The following NRXN1 variants were observed in gnomAD, a reference collection of about 807,000 sequenced individuals.
NRXN1 encodes neurexin 1.
In NRXN1, 39 loss-of-function variants were observed where a neutral mutation model predicts 150.9. The observed-to-expected ratio is 0.26, with a 90% CI of 0.20 to 0.34. The LOEUF (loss-of-function observed/expected upper bound fraction) is 0.34, where lower values mean the gene tolerates loss of function less well. NRXN1 is among the 10% of genes least tolerant of loss of function. The pLI, the probability that NRXN1 is intolerant of heterozygous loss-of-function variation, is 1.00. For missense variants in NRXN1, 1,815 were observed against 1,949.9 expected, an observed-to-expected ratio of 0.93 and a Z score of 1.30; for synonymous variants, 924 against 757.0, an observed-to-expected ratio of 1.22 and a Z score of -3.62.
chr2:50,977,110 G>C (rs1158595621), intron 2 of NRXN1, among the ~76,000 whole-genome samples: 2 of 151,892 alleles, frequency 1.3e-5, no homozygotes, highest in Non-Finnish European at 2.9e-5. Flanking sequence ...AATTTGTGAA[G>C]TTCAATACCT....
intron 17 of NRXN1, among the ~76,000 whole-genome samples, chr2:50,425,628 T>A (rs1287739571): frequency 6.6e-6 from 1 of 152,212 alleles, no homozygotes; most frequent in African/African-American, 2.4e-5. Context: ...TGTTGAACCC[T>A]AAATGCTTTC....
intron 2 of NRXN1, among the ~76,000 whole-genome samples, chr2:51,017,646 T>A (rs1255862120): frequency 6.6e-6 from 1 of 151,306 alleles, no homozygotes; most frequent in East Asian, 2.0e-4. Flanking sequence ...CCTAGAAAGT[T>A]GGCAGAACTT....
chr2:50,980,636 G>A (rs1696640135), intron 2 of NRXN1, among the ~76,000 whole-genome samples: 1 of 152,032 alleles, frequency 6.6e-6, no homozygotes, highest in African/African-American at 2.4e-5. Flanking sequence ...GAAAAGGGGA[G>A]TAAATAAATG....
chr2:50,902,730 G>C lies in NRXN1; in HGVS notation c.832+19139C>G, dbSNP rs375000995. On this transcript the variant is annotated intron_variant, in intron 5 of 22. Transcript: ENST00000401669. ...GGTTCTGACTTGCTATTTCCTTACT[G>C]TGTAATGTGAAAAAGTTTTTATCTT... 5.8e-4 allele frequency among the ~76,000 whole-genome samples: 89 copies of C among 152,230 alleles called. 1 individual carries two copies. The highest frequency in any genetic ancestry group is 2.0e-3 in the African/African-American group (83 of 41,534).
intron 12 of NRXN1, among the ~76,000 whole-genome samples, chr2:50,527,642 T>C (rs2105179824): frequency 6.6e-6 from 1 of 152,260 alleles, no homozygotes; most frequent in East Asian, 1.9e-4. Context: ...CGTATTTTAT[T>C]AGGAAAATAG....
At position 50,996,997 on chromosome 2, in the gene NRXN1, T is replaced by C. The variant is rs1001909500; in HGVS notation, c.772+30505A>G. On this transcript the variant is annotated intron_variant, in intron 2 of 22. Transcript: ENST00000401669. ...TCACGTAAGGAGAAATATGAGTCAA[T>C]GACAATTTTTACTTTTTTTTCAATG... Among the ~76,000 whole-genome samples the C allele has an allele frequency of 3.7e-4, 56 of 152,070 alleles. 1 individual carries two copies. The highest frequency in any genetic ancestry group is 3.3e-3 in the Admixed American group (51 of 15,252).
At chr2:50,775,970 C>A (rs1324374737) in intron 5 of NRXN1, among the ~76,000 whole-genome samples, 2 of 152,044 alleles carry the variant, frequency 1.3e-5, no homozygotes, top group African/African-American at 4.8e-5. Flanking sequence ...GCGTCACAGT[C>A]TCCGACCTCT....
intron 5 of NRXN1, among the ~76,000 whole-genome samples, chr2:50,711,329 C>CT (rs765521627): frequency 0.033 from 2,989 of 89,706 alleles, 146 homozygotes; most frequent in African/African-American, 0.078. Flanking sequence ...AGGTACTGGA[C>CT]TTTTTTTTTT....
intron 5 of NRXN1, among the ~76,000 whole-genome samples, chr2:50,651,687 C>T (rs920605787): frequency 6.6e-6 from 1 of 151,896 alleles, no homozygotes; most frequent in African/African-American, 2.4e-5. Flanking sequence ...TGTTAACTTG[C>T]CGACACACAT....
intron 17 of NRXN1, among the ~76,000 whole-genome samples, chr2:50,310,860 A>C (rs1292920765): frequency 6.6e-6 from 1 of 152,180 alleles, no homozygotes; most frequent in Non-Finnish European, 1.5e-5. Flanking sequence ...ACCTTATAAG[A>C]CTGCATTTAT....
chr2:50,191,800 C>A (rs1398432828), intron 18 of NRXN1, among the ~76,000 whole-genome samples: 1 of 152,048 alleles, frequency 6.6e-6, no homozygotes, highest in Admixed American at 6.6e-5. Flanking sequence ...CATGGCATAC[C>A]ATGTAATATG....
At chr2:50,547,932 T>A (rs1176147094) in intron 9 of NRXN1, among the ~76,000 whole-genome samples, 6 of 152,256 alleles carry the variant, frequency 3.9e-5, no homozygotes, top group African/African-American at 1.2e-4. Context: ...ATTTTCCCCA[T>A]GTCTCAGATT....
chr2:50,512,741 T>C (rs1354517822), intron 12 of NRXN1, among the ~76,000 whole-genome samples: 7 of 152,202 alleles, frequency 4.6e-5, no homozygotes, highest in Admixed American at 4.6e-4. Flanking sequence ...TTGCATATCA[T>C]TCCTTTCCCT....
chr2:49,953,818 G>C (rs1195725724), intron 21 of NRXN1, among the ~76,000 whole-genome samples: 1 of 151,836 alleles, frequency 6.6e-6, no homozygotes, highest in Non-Finnish European at 1.5e-5. Flanking sequence ...AAAACACATG[G>C]ACACCGGGAG....
chr2:50,055,061 G>A lies in NRXN1; in HGVS notation c.3719-17C>T. 6.5e-7 allele frequency: 1 copy of A among 1,545,780 alleles called. No homozygotes were observed. Among genetic ancestry groups the A allele is most frequent in the Non-Finnish European group, 8.8e-7 (1 of 1,135,548 alleles). ...CATTGTTTCCTTTAAAGTTTAAAGAGACATTTCATTGGTTAAAATCTGTAA... is the reference window on the plus strand; with the variant it reads ...CATTGTTTCCTTTAAAGTTTAAAGAAACATTTCATTGGTTAAAATCTGTAA... On this transcript the variant is annotated splice_polypyrimidine_tract_variant and intron_variant, in intron 19 of 22. Transcript: ENST00000401669.
At chr2:50,244,854 AT>A (rs2066356167) in intron 17 of NRXN1, among the ~76,000 whole-genome samples, 1 of 151,832 alleles carries the variant, frequency 6.6e-6, no homozygotes, top group Non-Finnish European at 1.5e-5. Context: ...TCTATTTTGG[AT>A]TTTTAAACTG....
intron 8 of NRXN1, among the ~76,000 whole-genome samples, chr2:50,568,495 A>G (rs781759911): frequency 1.1e-4 from 17 of 152,314 alleles, no homozygotes; most frequent in Non-Finnish European, 2.4e-4. Flanking sequence ...CTGAAAAGAC[A>G]TTTCTCAAAA....
chr2:50,047,079 T>C lies in NRXN1; in HGVS notation c.4128+6192A>G, dbSNP rs187309471. ...GACTGTATTTGCATTTTCAAAAGGA[T>C]AGTCTGACAGTTGGGTGGAGATCAC... On this transcript the variant is annotated intron_variant, in intron 21 of 22. Coordinates refer to ENST00000401669, the MANE Select transcript of NRXN1 (RefSeq NM_001330078.2). Among the ~76,000 whole-genome samples, 19 of 152,204 alleles carry C rather than the reference T, an allele frequency of 1.2e-4. No individual in the cohort carries two copies. The East Asian group carries it at 3.7e-3, about 29-fold the overall frequency.
At chr2:50,543,985 G>C (rs866170017) in intron 9 of NRXN1, among the ~76,000 whole-genome samples, 1 of 152,054 alleles carries the variant, frequency 6.6e-6, no homozygotes, top group African/African-American at 2.4e-5. Context: ...AGATCTGTTA[G>C]GCTTCAATGT....
Sources: gnomAD v4.1 joint callset for allele counts (sites outside exome capture counted in the v4.1 genomes callset) on GRCh38, gnomAD v4.1.1 for gene constraint, MANE v1.5 for transcripts, NCBI Gene and HGNC (gene_info 2026-07-23, HGNC 2026-07-21) for gene names.